The following RUVBL2 variants were observed in gnomAD, a reference collection of about 807,000 sequenced individuals.
The protein encoded by RUVBL2 is RuvB like AAA ATPase 2.
Under a neutral mutation model 57.9 loss-of-function variants are expected in RUVBL2, and 9 were observed. That is an observed-to-expected ratio of 0.16 (90% CI 0.09 to 0.27). The LOEUF is 0.27. Ranked by LOEUF, RUVBL2 falls within the 10% of genes least tolerant of loss-of-function variation. The pLI is 1.00. For synonymous variants in RUVBL2, 278 were observed against 264.6 expected, an observed-to-expected ratio of 1.05 and a Z score of -0.49; for missense variants, 456 against 669.6, an observed-to-expected ratio of 0.68 and a Z score of 3.52.
intron 13 of RUVBL2, 55 bp from the exon 14 acceptor site, chr19:49,015,517 G>A (rs1340838604): frequency 2.3e-6 from 3 of 1,329,514 alleles, no homozygotes; most frequent in South Asian, 2.3e-5. Flanking sequence ...GCTGGGGTCT[G>A]TGCCTTGAGC....
intron 4 of RUVBL2, among the ~76,000 whole-genome samples, chr19:49,004,903 G>A (rs1455212961): frequency 1.3e-5 from 2 of 151,804 alleles, no homozygotes; most frequent in Non-Finnish European, 2.9e-5. Context: ...TTCATAATTT[G>A]GACCATTTTT....
rs11558795 is a variant in RUVBL2, at chr19:49,004,321, T to C, written c.168T>C (p.Ala56=). 132,366 of 1,609,284 alleles carry C rather than the reference T, an allele frequency of 0.082. 6,338 individuals carry two copies. The highest frequency in any genetic ancestry group is 0.19 in the African/African-American group (13,934 of 74,794). ...GTCAGCTGGCGGCACGGCGGGCGGC[T>C]GGCGTGGTGCTGGAGATGATCCGGG... The part of the protein sequence containing the change: ...MVGQLAARRA[A]GVVLEMIREG... Residue 56 remains alanine, a synonymous_variant, in exon 4 of 15, where the codon GCT becomes GCC. Coordinates refer to ENST00000595090, the MANE Select transcript of RUVBL2 (RefSeq NM_006666.3).
At chr19:49,014,214 G>T (rs964680849) in intron 11 of RUVBL2, among the ~76,000 whole-genome samples, 3 of 152,256 alleles carry the variant, frequency 2.0e-5, no homozygotes, top group Non-Finnish European at 4.4e-5. Flanking sequence ...TGTCGAGCAC[G>T]GGAGTGGGAC....
intron 6 of RUVBL2, among the ~76,000 whole-genome samples, chr19:49,008,031 T>C (rs1239667998): frequency 6.7e-6 from 1 of 149,630 alleles, no homozygotes; most frequent in Non-Finnish European, 1.5e-5. Flanking sequence ...TTTTTTTTTT[T>C]TTACAATTTC....
chr19:49,009,673 A>G (rs2039365878), intron 6 of RUVBL2, 103 bp from the exon 7 acceptor site: 2 of 968,308 alleles, frequency 2.1e-6, no homozygotes, highest in Non-Finnish European at 3.3e-6. Context: ...GAAGCTGTGG[A>G]AGCAGAGGCC....
At chr19:49,007,906 A>T (rs1004295496) in intron 6 of RUVBL2, among the ~76,000 whole-genome samples, 2 of 150,534 alleles carry the variant, frequency 1.3e-5, no homozygotes, top group African/African-American at 4.9e-5. Flanking sequence ...ACGGGGTTTC[A>T]CCATGTTGGC....
chr19:48,999,189 C>T, intron 1 of RUVBL2, 130 bp from the exon 2 acceptor site: 1 of 958,402 alleles, frequency 1.0e-6, no homozygotes, highest in Non-Finnish European at 1.7e-6. Context: ...GTGGGGGTGA[C>T]TGGTGCCTGT....
Position 49,012,843 on chromosome 19 carries a change from C to CCACACACACACACACACA in RUVBL2, c.1001+1557_1001+1574dup, listed in dbSNP as rs58302006. Among the ~76,000 whole-genome samples the CCACACACACACACACACA allele has an allele frequency of 3.4e-3, 483 of 141,876 alleles. 3 individuals carry two copies. Among genetic ancestry groups the CCACACACACACACACACA allele is most frequent in the African/African-American group, 8.8e-3 (332 of 37,890 alleles). 93.1% of individuals were successfully genotyped at this position (141,876 alleles called of 152,430 possible). On this transcript the variant is annotated intron_variant, in intron 11 of 14. Transcript: ENST00000595090. The stretch of plus-strand genomic sequence containing the variant: ...TGGCACACTGCAGCCTCAGTGCCCA[C>CCACACACACACACACACA]CACACACACACACACACACACACAC...
Position 49,009,787 on chromosome 19 carries a change from G to A in RUVBL2, c.474G>A (p.Val158=). Residue 158 remains valine (V), a synonymous_variant, in exon 7 of 15, where the codon GTG becomes GTA. Transcript: ENST00000595090. The part of the protein sequence containing the change: ...DRPATGTGSK[V]GKLTLKTTEM... ...GTCCCCACTCTCAGGGCTCCAAGGT[G>A]GGCAAACTGACCCTCAAGACCACAG... is the stretch of plus-strand genomic sequence containing the variant. The A allele has an allele frequency of 1.9e-6, 3 of 1,613,974 alleles. No homozygotes were observed. The highest frequency in any genetic ancestry group is 1.3e-5 in the African/African-American group (1 of 75,018).
intron 13 of RUVBL2, 169 bp downstream of exon 13, chr19:49,015,319 T>A (rs981905866): frequency 4.2e-5 from 35 of 832,802 alleles, no homozygotes; most frequent in Non-Finnish European, 6.2e-5. Context: ...ATAGTAGGTA[T>A]CAGTAAATCT....
At position 49,003,271 on chromosome 19, in the gene RUVBL2, T is replaced by C; in HGVS notation, c.68-8T>C. The C allele has an allele frequency of 6.2e-7, 1 of 1,613,780 alleles. No individual in the cohort carries two copies. The highest frequency in any genetic ancestry group is 1.1e-5 in the South Asian group (1 of 91,078). Reference sequence around the variant, plus strand: ...GTAACTGAGTCTTTGTTCTTTCCCTTCATGTAGGTGCCCACTCCCACATCC... The same window carrying C: ...GTAACTGAGTCTTTGTTCTTTCCCTCCATGTAGGTGCCCACTCCCACATCC... On this transcript the variant is annotated splice_polypyrimidine_tract_variant and splice_region_variant and intron_variant, in intron 2 of 14. Transcript: ENST00000595090.
At chr19:49,010,169 T>C (rs1288879310) in intron 8 of RUVBL2, 103 bp downstream of exon 8, 1 of 1,084,562 alleles carries the variant, frequency 9.2e-7, no homozygotes, top group Non-Finnish European at 1.4e-6. Flanking sequence ...CCTGTTACCC[T>C]GACTGTTTGT....
intron 1 of RUVBL2, 141 bp downstream of exon 1, chr19:48,994,064 C>A (rs903389008): frequency 3.6e-6 from 3 of 826,032 alleles, no homozygotes; most frequent in Admixed American, 2.5e-5. Flanking sequence ...GAGGAGGAAG[C>A]TCGGCCACCC....
intron 12 of RUVBL2, 129 bp from the exon 13 acceptor site, chr19:49,014,892 T>C (rs2039512984): frequency 7.6e-7 from 1 of 1,312,438 alleles, no homozygotes; most frequent in Non-Finnish European, 1.0e-6. Context: ...AGCCTCAGCA[T>C]TCTATGGTTC....
At chr19:49,010,723 C>G in intron 9 of RUVBL2, 112 bp downstream of exon 9, 2 of 1,460,084 alleles carry the variant, frequency 1.4e-6, no homozygotes, top group Non-Finnish European at 1.9e-6. Flanking sequence ...CACGCTGTTT[C>G]CTGTAACTCC....
chr19:49,015,273 C>T, intron 13 of RUVBL2, 123 bp downstream of exon 13: 3 of 1,380,852 alleles, frequency 2.2e-6, no homozygotes, highest in Non-Finnish European at 3.0e-6. Flanking sequence ...GAATTTTCAT[C>T]CCTCAGGTTG....
At position 49,011,114 on chromosome 19, in the gene RUVBL2, C is replaced by T. The variant is rs180964717; in HGVS notation, c.882+21C>T. ...CTGGAGTGAGGACCCAGGACATGGC[C>T]GGGGCGGGTGGTGGGGTGGAGGTGG... is the stretch of plus-strand genomic sequence containing the variant. On this transcript the variant is annotated intron_variant, in intron 10 of 14. Transcript: ENST00000595090. This position sits in a 1 kb window ranked among gnomAD's most constrained non-coding sequence, Gnocchi z 4.4. The T allele has an allele frequency of 1.6e-3, 881 of 547,158 alleles. 20 individuals carry two copies. In the East Asian group the frequency reaches 0.032, roughly 20 times the overall value. The allele number at this position is 547,158 out of a possible 1,614,324, so 33.9% of individuals were successfully genotyped here.
chr19:48,999,269 T>G, intron 1 of RUVBL2, 50 bp from the exon 2 acceptor site: 1 of 1,603,676 alleles, frequency 6.2e-7, no homozygotes, highest in Non-Finnish European at 8.5e-7. Flanking sequence ...GAGGGGTTGG[T>G]GAAAGCTGGG....
At chr19:49,004,483 A>G in intron 4 of RUVBL2, 65 bp downstream of exon 4, 1 of 1,517,244 alleles carries the variant, frequency 6.6e-7, no homozygotes, top group Non-Finnish European at 9.0e-7. Flanking sequence ...TGTGTAAGTC[A>G]GGGTCAGGAT....
Sources: allele counts gnomAD v4.1 joint callset (sites outside exome capture counted in the v4.1 genomes callset), GRCh38; gene constraint gnomAD v4.1.1; non-coding constraint Gnocchi (gnomAD v3.1); transcripts MANE v1.5; gene names NCBI Gene and HGNC (gene_info 2026-07-23, HGNC 2026-07-21).